Variants in SIL1 observed in about 807,000 individuals in gnomAD.
SIL1 encodes SIL1 nucleotide exchange factor, also known as nucleotide exchange factor SIL1.
SIL1 carries 40 observed loss-of-function variants against 49.1 expected under a neutral mutation model. That is an observed-to-expected ratio of 0.81 (90% CI 0.63 to 1.06). The LOEUF is 1.06. Among genes scored for constraint, SIL1 ranks in the 50% least tolerant of loss-of-function variants. SIL1 has a pLI of 0.00. For synonymous variants in SIL1, 253 were observed against 250.8 expected (o/e 1.01, Z -0.08); for missense variants, 500 against 572.6 (o/e 0.87, Z 1.29).
intron 1 of SIL1, among the ~76,000 whole-genome samples, chr5:139,164,686 A>C (rs1245604862): frequency 6.6e-6 from 1 of 152,218 alleles, no homozygotes; most frequent in Admixed American, 6.5e-5. Context: ...ACTTATTCAG[A>C]TGAAGAAACT....
chr5:139,085,780 T>C (rs1183182954), intron 3 of SIL1, among the ~76,000 whole-genome samples: 1 of 152,060 alleles, frequency 6.6e-6, no homozygotes, highest in Non-Finnish European at 1.5e-5. Flanking sequence ...AGGATGAGGC[T>C]GGAAACACAG....
At chr5:138,970,493 C>T (rs1455427931) in intron 7 of SIL1, among the ~76,000 whole-genome samples, 1 of 152,092 alleles carries the variant, frequency 6.6e-6, no homozygotes, top group African/African-American at 2.4e-5. Flanking sequence ...GAATTCCTTC[C>T]TCATCTATGG....
intron 1 of SIL1, among the ~76,000 whole-genome samples, chr5:139,179,246 T>A (rs1375083371): frequency 6.6e-6 from 1 of 151,926 alleles, no homozygotes; most frequent in African/African-American, 2.4e-5. Flanking sequence ...AAATGAGTAA[T>A]CCCCAGGGCA....
chr5:139,038,328 T>C (rs1312155028), intron 5 of SIL1, among the ~76,000 whole-genome samples: 1 of 152,196 alleles, frequency 6.6e-6, no homozygotes, highest in Non-Finnish European at 1.5e-5. Context: ...TACTTCATCT[T>C]TTTCAGTAGG....
At chr5:139,062,000 C>G (rs1237478092) in intron 3 of SIL1, among the ~76,000 whole-genome samples, 1 of 152,194 alleles carries the variant, frequency 6.6e-6, no homozygotes, top group Non-Finnish European at 1.5e-5. Context: ...TAGGGCTGGT[C>G]AGAGCTGAGG....
chr5:139,149,756 G>C (rs1039879637), intron 1 of SIL1, among the ~76,000 whole-genome samples: 1 of 152,188 alleles, frequency 6.6e-6, no homozygotes, highest in African/African-American at 2.4e-5. Context: ...GGCAGGACAA[G>C]AGTGGTTTTT....
chr5:138,992,342 A>G (rs1248112683), intron 7 of SIL1, among the ~76,000 whole-genome samples: 3 of 152,182 alleles, frequency 2.0e-5, no homozygotes, highest in Non-Finnish European at 4.4e-5. Context: ...TTTGACATCA[A>G]TGCTTTAGGT....
chr5:139,118,922 G>T (rs995135973), intron 3 of SIL1, among the ~76,000 whole-genome samples: 1 of 152,138 alleles, frequency 6.6e-6, no homozygotes, highest in African/African-American at 2.4e-5. Context: ...CCCCTCACCA[G>T]TCCTGCTTTT....
intron 1 of SIL1, among the ~76,000 whole-genome samples, chr5:139,169,390 T>C (rs560995856): frequency 2.6e-5 from 4 of 152,188 alleles, no homozygotes; most frequent in African/African-American, 9.6e-5. Flanking sequence ...TATTCAAATG[T>C]CCAGTTTTGA....
At chr5:139,009,947 T>C (rs1489698930) in intron 7 of SIL1, among the ~76,000 whole-genome samples, 1 of 151,896 alleles carries the variant, frequency 6.6e-6, no homozygotes, top group East Asian at 1.9e-4. Context: ...TGTCTTGGAG[T>C]TGCTCTTCTT....
chr5:139,091,877 C>T (rs1268033899), intron 3 of SIL1, among the ~76,000 whole-genome samples: 1 of 152,070 alleles, frequency 6.6e-6, no homozygotes, highest in Non-Finnish European at 1.5e-5. Flanking sequence ...AAGTTGGTGG[C>T]AATTTGTTTC....
chr5:139,177,167 T>C (rs920747899), intron 1 of SIL1, among the ~76,000 whole-genome samples: 1 of 151,896 alleles, frequency 6.6e-6, no homozygotes, highest in Non-Finnish European at 1.5e-5. Flanking sequence ...CTCCTGACCT[T>C]GTGATCCACC....
At chr5:139,023,260 C>G (rs926746381) in intron 6 of SIL1, among the ~76,000 whole-genome samples, 1 of 152,130 alleles carries the variant, frequency 6.6e-6, no homozygotes, top group Admixed American at 6.5e-5. Context: ...GAAACCATGA[C>G]CATAGCCCAG....
intron 1 of SIL1, among the ~76,000 whole-genome samples, chr5:139,154,624 G>A (rs1751372635): frequency 6.6e-6 from 1 of 152,108 alleles, no homozygotes; most frequent in African/African-American, 2.4e-5. Context: ...GAATACCCCG[G>A]TGTAAAAAAT....
chr5:139,187,292 G>A (rs1752092331), intron 1 of SIL1, among the ~76,000 whole-genome samples: 1 of 152,192 alleles, frequency 6.6e-6, no homozygotes, highest in Admixed American at 6.5e-5. Context: ...GCCGAGGCGG[G>A]TGGATCACAA....
chr5:139,078,826 A>T (rs1281059464), intron 3 of SIL1, among the ~76,000 whole-genome samples: 1 of 152,240 alleles, frequency 6.6e-6, no homozygotes, highest in Non-Finnish European at 1.5e-5. Context: ...ACAGTGAGAG[A>T]GGGGACACTG....
chr5:139,112,623 G>C (rs185036699), intron 3 of SIL1, among the ~76,000 whole-genome samples: 1 of 150,340 alleles, frequency 6.7e-6, no homozygotes, highest in Non-Finnish European at 1.5e-5. Flanking sequence ...CAACCCCTCC[G>C]GGAGGGAGGT....
rs1280329959 is a variant in SIL1, at chr5:138,948,676, G to A, written c.1030-1203C>T. On this transcript the variant is annotated intron_variant, in intron 9 of 9. Coordinates refer to ENST00000394817, the MANE Select transcript of SIL1 (RefSeq NM_022464.5). The surrounding 1 kb of genome is among the most constrained non-coding windows in gnomAD (Gnocchi z 4.8). ...TCCACGGCTCCCTGCACACCTCACC[G>A]CCACTGACCGGCCTCCCCTGACTGG... Among the ~76,000 whole-genome samples, 4 of 152,074 alleles carry A rather than the reference G, an allele frequency of 2.6e-5. No individual in the cohort carries two copies. Among genetic ancestry groups the A allele is most frequent in the African/African-American group, 7.2e-5 (3 of 41,392 alleles).
intron 7 of SIL1, among the ~76,000 whole-genome samples, chr5:139,014,485 T>G (rs549636566): frequency 6.6e-6 from 1 of 151,680 alleles, no homozygotes; most frequent in East Asian, 1.9e-4. Flanking sequence ...AAGAAGGGGA[T>G]AGTAGTGAAA....
Sources: gnomAD v4.1 joint callset for allele counts (sites outside exome capture counted in the v4.1 genomes callset) on GRCh38, gnomAD v4.1.1 for gene constraint, Gnocchi (gnomAD v3.1) non-coding constraint, MANE v1.5 for transcripts, NCBI Gene and HGNC (gene_info 2026-07-23, HGNC 2026-07-21) for gene names.